The following RNF115 variants were observed in gnomAD, a reference collection of about 807,000 sequenced individuals.
RNF115 encodes ring finger protein 115.
A neutral mutation model predicts 39.2 loss-of-function variants in RNF115; 31 were observed. The ratio of observed to expected loss-of-function variants is 0.79; its 90% CI spans 0.59 to 1.07. The LOEUF (loss-of-function observed/expected upper bound fraction) is 1.07, where lower values mean the gene tolerates loss of function less well. RNF115 is among the 50% of genes least tolerant of loss of function. The pLI is 0.00. For synonymous variants in RNF115, 124 were observed against 131.0 expected, an observed-to-expected ratio of 0.95 and a Z score of 0.37; for missense variants, 384 against 381.7, an observed-to-expected ratio of 1.01 and a Z score of -0.05.
At chr1:145,806,731 T>C (rs1649480222) in intron 1 of RNF115, among the ~76,000 whole-genome samples, 1 of 152,222 alleles carries the variant, frequency 6.6e-6, no homozygotes, top group Non-Finnish European at 1.5e-5. Flanking sequence ...GGAAGCTTCC[T>C]GAGGTCCCAC....
At chr1:145,800,820 T>A (rs1279694999) in intron 1 of RNF115, among the ~76,000 whole-genome samples, 1 of 152,164 alleles carries the variant, frequency 6.6e-6, no homozygotes, top group African/African-American at 2.4e-5. Flanking sequence ...AGCCACTACA[T>A]TTTGGATAGA....
intron 1 of RNF115, among the ~76,000 whole-genome samples, chr1:145,816,015 T>A: frequency 7.4e-6 from 1 of 134,992 alleles, no homozygotes; most frequent in Non-Finnish European, 1.6e-5. Context: ...TCATGATTTC[T>A]CCTTATTTCT....
intron 5 of RNF115, 82 bp from the exon 6 acceptor site, chr1:145,751,592 T>C: frequency 1.2e-6 from 1 of 846,794 alleles, no homozygotes; most frequent in Non-Finnish European, 1.9e-6. Context: ...GGCAGAGGGA[T>C]CCTGTTCTCT....
At chr1:145,798,484 C>A (rs1184867472) in intron 1 of RNF115, among the ~76,000 whole-genome samples, 1 of 152,136 alleles carries the variant, frequency 6.6e-6, no homozygotes, top group African/African-American at 2.4e-5. Context: ...ACCACATATG[C>A]AAGGGTTTAT....
rs782655741 is a variant in RNF115, at chr1:145,744,009, CTT to C, written c.*2855_*2856del. ...AAAAAGTGAAGAAAACTTCATGTAACTTTGTCTGATGCTGTTTGCTATACTGT... is the reference window on the plus strand; with the variant it reads ...AAAAAGTGAAGAAAACTTCATGTAACTGTCTGATGCTGTTTGCTATACTGT... On this transcript the variant is annotated 3_prime_UTR_variant, in exon 9 of 9. Transcript: ENST00000582693. 4.6e-5 allele frequency: 7 copies of C among 152,508 alleles called. No individual in the cohort carries two copies. Among genetic ancestry groups the C allele is most frequent in the Non-Finnish European group, 1.0e-4 (7 of 68,118 alleles). 9.4% of individuals were successfully genotyped at this position (152,508 alleles called of 1,614,324 possible). A position where few individuals can be genotyped will look rare whatever the true frequency, so the allele number is the denominator to read the frequency against.
chr1:145,750,747 G>A (rs1160108650), intron 6 of RNF115, among the ~76,000 whole-genome samples: 2 of 152,132 alleles, frequency 1.3e-5, no homozygotes, highest in Non-Finnish European at 2.9e-5. Flanking sequence ...CCACCTCTAG[G>A]CATAAAGCAA....
chr1:145,796,067 T>C (rs1648963275), intron 1 of RNF115, among the ~76,000 whole-genome samples: 1 of 152,222 alleles, frequency 6.6e-6, no homozygotes, highest in Non-Finnish European at 1.5e-5. Flanking sequence ...AATCTGCCTC[T>C]TAGATACTTG....
intron 1 of RNF115, among the ~76,000 whole-genome samples, chr1:145,803,214 A>G (rs1649325916): frequency 6.6e-6 from 1 of 151,744 alleles, no homozygotes; most frequent in Non-Finnish European, 1.5e-5. Flanking sequence ...GCTATTAATA[A>G]AGAAAATCAG....
At chr1:145,779,965 A>G (rs953913094) in intron 3 of RNF115, among the ~76,000 whole-genome samples, 15 of 151,472 alleles carry the variant, frequency 9.9e-5, no homozygotes, top group Middle Eastern at 3.4e-3. Context: ...CGGTGACTCA[A>G]GCCCGTAATC....
At chr1:145,752,875 C>G (rs1658146391) in intron 5 of RNF115, 103 bp downstream of exon 5, 3 of 793,638 alleles carry the variant, frequency 3.8e-6, no homozygotes, top group Middle Eastern at 3.1e-4. Context: ...GCATGAGCCA[C>G]CGCACCCGGC....
Position 145,739,898 on chromosome 1 carries a change from GC to G in RNF115, c.*6967del, listed in dbSNP as rs1480456868. The G allele has an allele frequency of 1.3e-5, 2 of 152,158 alleles. No individual in the cohort carries two copies. The highest frequency in any genetic ancestry group is 2.9e-5 in the Non-Finnish European group (2 of 68,030). 9.4% of individuals were successfully genotyped at this position (152,158 alleles called of 1,614,324 possible). On this transcript the variant is annotated 3_prime_UTR_variant, in exon 9 of 9. Transcript: ENST00000582693. Reference sequence around the variant, plus strand: ...CCCAGTGCAAATGAGGTTTTGAGATGCTATTTCTGTTTACCTATCTGTAAAA... The same window carrying G: ...CCCAGTGCAAATGAGGTTTTGAGATGTATTTCTGTTTACCTATCTGTAAAA...
chr1:145,751,010 G>A (rs1197077964), intron 6 of RNF115, among the ~76,000 whole-genome samples: 1 of 152,128 alleles, frequency 6.6e-6, no homozygotes, highest in African/African-American at 2.4e-5. Context: ...ACATAAACAA[G>A]TGGAAGCAAT....
At chr1:145,806,381 A>T (rs1349733054) in intron 1 of RNF115, among the ~76,000 whole-genome samples, 1 of 152,116 alleles carries the variant, frequency 6.6e-6, no homozygotes. Context: ...ATAAATAAAT[A>T]TTAAATTTAA....
At chr1:145,802,111 G>A (rs1199803606) in intron 1 of RNF115, among the ~76,000 whole-genome samples, 4 of 152,046 alleles carry the variant, frequency 2.6e-5, no homozygotes, top group African/African-American at 9.7e-5. Context: ...CATCCCATCT[G>A]TAAAAGAAAA....
chr1:145,767,992 T>TGGGGAG (rs1647452565), intron 4 of RNF115, among the ~76,000 whole-genome samples: 2 of 151,592 alleles, frequency 1.3e-5, no homozygotes, highest in African/African-American at 4.8e-5. Context: ...AGGGAGACCG[T>TGGGGAG]GGGGAGAGGG....
rs1472735114 is a variant in RNF115, at chr1:145,764,038, CAAGTGCCTGCT to C, written c.428+7662_428+7672del. Among the ~76,000 whole-genome samples the C allele has an allele frequency of 7.2e-5, 11 of 152,300 alleles. No homozygotes were observed. The South Asian group carries it at 2.3e-3, about 32-fold the overall frequency. On this transcript the variant is annotated intron_variant, in intron 4 of 8. Transcript: ENST00000582693. The stretch of plus-strand genomic sequence containing the variant: ...GCCTGATTCTCCTGCCTCAGCCTGC[CAAGTGCCTGCT>C]ATTGCAGGCGCGCGCCACCACGCCT...
intron 1 of RNF115, among the ~76,000 whole-genome samples, chr1:145,799,657 A>C (rs1553720594): frequency 6.6e-6 from 1 of 152,034 alleles, no homozygotes; most frequent in Non-Finnish European, 1.5e-5. Flanking sequence ...CCCATTCTGA[A>C]GTGATATGGT....
intron 2 of RNF115, 118 bp downstream of exon 2, chr1:145,788,790 A>T (rs1180013440): frequency 6.4e-6 from 5 of 775,526 alleles, no homozygotes; most frequent in South Asian, 1.4e-5. Context: ...TCTCTCTCTC[A>T]CTCTCGCTCT....
chr1:145,818,343 C>A (rs1371200494), intron 1 of RNF115, among the ~76,000 whole-genome samples: 2 of 150,524 alleles, frequency 1.3e-5, no homozygotes, highest in Non-Finnish European at 3.0e-5. Flanking sequence ...ATTTCTCTGA[C>A]GATTAGTAAT....
Sources: gnomAD v4.1 joint callset for allele counts (sites outside exome capture counted in the v4.1 genomes callset) on GRCh38, gnomAD v4.1.1 for gene constraint, MANE v1.5 for transcripts, NCBI Gene and HGNC (gene_info 2026-07-23, HGNC 2026-07-21) for gene names.